The following STK32B variants were observed in gnomAD, a reference collection of about 807,000 sequenced individuals.
The protein encoded by STK32B is serine/threonine-protein kinase 32B.
Under a neutral mutation model 52.6 loss-of-function variants are expected in STK32B, and 43 were observed. That is an observed-to-expected ratio of 0.82 (90% CI 0.64 to 1.05). The LOEUF (loss-of-function observed/expected upper bound fraction) is 1.05, where lower values mean the gene tolerates loss of function less well. STK32B is among the 50% of genes least tolerant of loss of function. The pLI, the probability that STK32B is intolerant of heterozygous loss-of-function variation, is 0.00. For missense variants in STK32B, 621 were observed against 534.6 expected (o/e 1.16, Z -1.59); for synonymous variants, 238 against 204.3 (o/e 1.17, Z -1.41).
At chr4:5,322,073 C>T (rs1473261373) in intron 3 of STK32B, among the ~76,000 whole-genome samples, 2 of 149,390 alleles carry the variant, frequency 1.3e-5, no homozygotes, top group African/African-American at 2.5e-5. Flanking sequence ...GTGGCTCACA[C>T]CTGTAATCCC....
intron 11 of STK32B, among the ~76,000 whole-genome samples, chr4:5,490,454 G>A (rs926762543): frequency 6.6e-6 from 1 of 152,104 alleles, no homozygotes; most frequent in Non-Finnish European, 1.5e-5. Flanking sequence ...GGGTAAGGCA[G>A]TTTGACTAGG....
intron 11 of STK32B, among the ~76,000 whole-genome samples, chr4:5,494,234 C>G (rs1244360509): frequency 6.6e-6 from 1 of 152,048 alleles, no homozygotes. Flanking sequence ...GTGGGTCACT[C>G]AGGACTTGCT....
chr4:5,226,570 T>A (rs10002377), intron 3 of STK32B, among the ~76,000 whole-genome samples: 2,706 of 152,338 alleles, frequency 0.018, 75 homozygotes, highest in African/African-American at 0.061. Flanking sequence ...CCATCTGTGC[T>A]ATCTGCTCAT....
intron 3 of STK32B, among the ~76,000 whole-genome samples, chr4:5,311,496 G>A (rs1021614291): frequency 6.6e-6 from 1 of 152,080 alleles, no homozygotes; most frequent in African/African-American, 2.4e-5. Flanking sequence ...GAAAGAATAA[G>A]CTGATTCTTC....
intron 3 of STK32B, among the ~76,000 whole-genome samples, chr4:5,254,983 T>TATATATATATATATATATATA (rs1577252456): frequency 2.6e-5 from 4 of 151,068 alleles, no homozygotes; most frequent in East Asian, 1.9e-4. Context: ...TATATGTTTA[T>TATATATATATATATATATATA]TGAGCATCTT....
intron 3 of STK32B, among the ~76,000 whole-genome samples, chr4:5,321,973 G>A (rs1394183743): frequency 4.1e-5 from 6 of 145,544 alleles, no homozygotes; most frequent in Non-Finnish European, 8.9e-5. Context: ...TCATGTTTGA[G>A]TGGCTTCAAG....
At chr4:5,245,315 C>G (rs560979604) in intron 3 of STK32B, among the ~76,000 whole-genome samples, 29 of 152,210 alleles carry the variant, frequency 1.9e-4, no homozygotes, top group East Asian at 1.7e-3. Context: ...TTGAATTGAT[C>G]CCTTTACCAT....
chr4:5,132,880 C>T (rs5015417), intron 1 of STK32B, among the ~76,000 whole-genome samples: 18,059 of 151,868 alleles, frequency 0.12, 1,350 homozygotes, highest in Admixed American at 0.24. Context: ...CTCACTGCAA[C>T]CTCTGCCTTC....
At chr4:5,140,279 T>G (rs565449184) in intron 2 of STK32B, 1 of 1,369,454 alleles carries the variant, frequency 7.3e-7, no homozygotes. Flanking sequence ...GGCAGCTCTT[T>G]CCAGCAACAT....
intron 6 of STK32B, among the ~76,000 whole-genome samples, chr4:5,439,277 T>G (rs1221260825): frequency 6.6e-6 from 1 of 151,482 alleles, no homozygotes; most frequent in Non-Finnish European, 1.5e-5. Context: ...GTTTCCTGAC[T>G]TTTTAATGAT....
At chr4:5,332,742 C>T (rs1048456133) in intron 4 of STK32B, among the ~76,000 whole-genome samples, 11 of 152,046 alleles carry the variant, frequency 7.2e-5, no homozygotes, top group South Asian at 2.1e-4. Context: ...TGAGAACATG[C>T]GGTGTTTGGT....
intron 3 of STK32B, among the ~76,000 whole-genome samples, chr4:5,186,246 G>C (rs115048642): frequency 1.3e-5 from 2 of 152,128 alleles, no homozygotes; most frequent in Non-Finnish European, 1.5e-5. Context: ...CGCAGATCCT[G>C]TTATGGCATA....
chr4:5,347,534 A>G (rs1315100037), intron 4 of STK32B, among the ~76,000 whole-genome samples: 1 of 152,196 alleles, frequency 6.6e-6, no homozygotes, highest in Non-Finnish European at 1.5e-5. Context: ...AAAGAGCCTT[A>G]AAACTGAAAG....
At chr4:5,025,316 A>C in the STK32B span, among the ~76,000 whole-genome samples, 1 of 151,924 alleles carries the variant, frequency 6.6e-6, no homozygotes, top group African/African-American at 2.4e-5. Flanking sequence ...GGATGTGAGG[A>C]AGCACCCGTC....
chr4:5,177,294 A>T (rs1023673454), intron 3 of STK32B, among the ~76,000 whole-genome samples: 3 of 152,140 alleles, frequency 2.0e-5, no homozygotes, highest in Non-Finnish European at 4.4e-5. Context: ...CCAGTGGGGA[A>T]AATGTCAGAT....
At chr4:5,157,350 T>TGAC (rs1323843761) in intron 2 of STK32B, among the ~76,000 whole-genome samples, 1 of 147,538 alleles carries the variant, frequency 6.8e-6, no homozygotes, top group African/African-American at 2.5e-5. Flanking sequence ...ACTGAAGAAC[T>TGAC]GACAGTTTAG....
At chr4:5,496,528 C>A (rs531028227) in intron 11 of STK32B, among the ~76,000 whole-genome samples, 3 of 149,968 alleles carry the variant, frequency 2.0e-5, no homozygotes, top group Non-Finnish European at 4.4e-5. Context: ...TTGCGCTTCC[C>A]GAGTGAGGCA....
intron 4 of STK32B, among the ~76,000 whole-genome samples, chr4:5,338,011 T>C (rs1732819962): frequency 6.6e-6 from 1 of 152,144 alleles, no homozygotes; most frequent in Admixed American, 6.5e-5. Flanking sequence ...AAGGAGTCAT[T>C]AGAAGTCTAT....
intron 3 of STK32B, among the ~76,000 whole-genome samples, chr4:5,199,375 T>A (rs113303227): frequency 0.04 from 6,126 of 152,256 alleles, 264 homozygotes; most frequent in African/African-American, 0.11. Flanking sequence ...CATTAGCATA[T>A]CTTTGTTGCT....
Sources: gnomAD v4.1 joint callset for allele counts (sites outside exome capture counted in the v4.1 genomes callset) on GRCh38, gnomAD v4.1.1 for gene constraint, MANE v1.5 for transcripts, NCBI Gene and HGNC (gene_info 2026-07-23, HGNC 2026-07-21) for gene names.